The following EYS variants were observed in gnomAD, a reference collection of about 807,000 sequenced individuals.
EYS encodes the protein EGF-like photoreceptor maintenance factor.
EYS carries 250 observed loss-of-function variants against 282.1 expected under a neutral mutation model. The observed-to-expected ratio is 0.89, with a 90% confidence interval of 0.80 to 0.98. The LOEUF is 0.98. EYS is among the 50% of genes least tolerant of loss of function. EYS has a pLI of 0.00. For synonymous variants in EYS, 1,355 were observed against 1,282.9 expected (o/e 1.06, Z -1.20); for missense variants, 4,016 against 3,709.0 (o/e 1.08, Z -2.15).
intron 33 of EYS, among the ~76,000 whole-genome samples, chr6:64,018,696 AG>A (rs1183693124): frequency 6.8e-6 from 1 of 146,216 alleles, no homozygotes; most frequent in Non-Finnish European, 1.5e-5. Context: ...ATTAAGTTAA[AG>A]TTTTTTGAGA....
chr6:65,361,363 TAA>T (rs10707255), intron 8 of EYS, among the ~76,000 whole-genome samples: 12 of 151,666 alleles, frequency 7.9e-5, no homozygotes, highest in East Asian at 2.0e-4. Context: ...TAAAGTATAA[TAA>T]AAAAAAAGAA....
At chr6:65,617,124 G>C (rs973300) in intron 2 of EYS, among the ~76,000 whole-genome samples, 54,906 of 151,956 alleles carry the variant, frequency 0.36, 11,320 homozygotes, top group African/African-American at 0.58. Flanking sequence ...AATTTAATGT[G>C]CTTGTTTCTG....
intron 26 of EYS, among the ~76,000 whole-genome samples, chr6:64,540,475 A>ATTTT (rs397888030): frequency 4.8e-5 from 4 of 83,502 alleles, no homozygotes; most frequent in Non-Finnish European, 4.6e-5. Flanking sequence ...CCAAGTACAG[A>ATTTT]TTTTTTTTTT....
intron 12 of EYS, among the ~76,000 whole-genome samples, chr6:65,269,017 T>C (rs1488368663): frequency 6.6e-6 from 1 of 152,092 alleles, no homozygotes; most frequent in Non-Finnish European, 1.5e-5. Context: ...TGAAGGCAAA[T>C]ATTATCTCCA....
At chr6:64,919,512 C>A (rs1768272752) in intron 15 of EYS, among the ~76,000 whole-genome samples, 1 of 138,384 alleles carries the variant, frequency 7.2e-6, no homozygotes, top group Non-Finnish European at 1.5e-5. Flanking sequence ...AAAAGGATTT[C>A]TTCTATTTAG....
intron 36 of EYS, among the ~76,000 whole-genome samples, chr6:63,825,478 C>G (rs1026528371): frequency 2.0e-5 from 3 of 152,232 alleles, no homozygotes; most frequent in African/African-American, 7.2e-5. Context: ...GCTAAGGACC[C>G]TCACAGAGTC....
chr6:64,615,715 T>C (rs1767252484), intron 24 of EYS, among the ~76,000 whole-genome samples: 1 of 152,134 alleles, frequency 6.6e-6, no homozygotes, highest in Non-Finnish European at 1.5e-5. Context: ...CCTTATCTCA[T>C]TGTAGCATTT....
chr6:64,320,555 G>C (rs980876001), intron 29 of EYS, among the ~76,000 whole-genome samples: 1 of 151,300 alleles, frequency 6.6e-6, no homozygotes, highest in Non-Finnish European at 1.5e-5. Context: ...TTCTATACTA[G>C]ATTCTTATTT....
At chr6:64,377,560 C>T (rs898135593) in intron 29 of EYS, among the ~76,000 whole-genome samples, 3 of 151,984 alleles carry the variant, frequency 2.0e-5, no homozygotes, top group African/African-American at 7.2e-5. Flanking sequence ...TTACTTACTG[C>T]AAAGAGTTAC....
chr6:64,961,005 C>T (rs1242187595), intron 14 of EYS, among the ~76,000 whole-genome samples: 1 of 152,178 alleles, frequency 6.6e-6, no homozygotes, highest in Non-Finnish European at 1.5e-5. Context: ...ATTATGACTG[C>T]ATAAACCATA....
intron 30 of EYS, among the ~76,000 whole-genome samples, chr6:64,289,107 A>G (rs540303273): frequency 6.6e-6 from 1 of 152,102 alleles, no homozygotes; most frequent in South Asian, 2.1e-4. Flanking sequence ...CGCCTTCATT[A>G]TCTGTTCTGA....
intron 1 of EYS, among the ~76,000 whole-genome samples, chr6:65,657,101 A>G (rs1767856027): frequency 6.6e-6 from 1 of 151,782 alleles, no homozygotes; most frequent in African/African-American, 2.4e-5. Flanking sequence ...TGTTAAGCCC[A>G]CTCTTGAGAC....
chr6:64,451,120 T>C (rs1208668243), intron 26 of EYS, among the ~76,000 whole-genome samples: 1 of 151,252 alleles, frequency 6.6e-6, no homozygotes, highest in East Asian at 1.9e-4. Context: ...GCAAGACTAA[T>C]AAGGAAGAAA....
chr6:65,392,546 G>A (rs1470300941), intron 7 of EYS, among the ~76,000 whole-genome samples: 1 of 152,114 alleles, frequency 6.6e-6, no homozygotes, highest in Non-Finnish European at 1.5e-5. Context: ...GAAGACATTT[G>A]TGCAGGCAAA....
intron 28 of EYS, among the ~76,000 whole-genome samples, chr6:64,395,974 T>C (rs1351437262): frequency 6.6e-6 from 1 of 151,938 alleles, no homozygotes; most frequent in Non-Finnish European, 1.5e-5. Context: ...AAATATTATA[T>C]TGTGAACATA....
At chr6:65,075,227 G>A (rs1774013789) in intron 12 of EYS, among the ~76,000 whole-genome samples, 1 of 151,770 alleles carries the variant, frequency 6.6e-6, no homozygotes, top group Non-Finnish European at 1.5e-5. Context: ...TGAAAACCAA[G>A]GGTGTAATAA....
At chr6:64,935,312 A>G (rs1287413458) in intron 15 of EYS, among the ~76,000 whole-genome samples, 3 of 151,768 alleles carry the variant, frequency 2.0e-5, no homozygotes, top group Non-Finnish European at 4.4e-5. Flanking sequence ...TAATTACAGT[A>G]AGTGCAAATT....
intron 2 of EYS, among the ~76,000 whole-genome samples, chr6:65,542,374 C>G (rs1223614690): frequency 6.6e-6 from 1 of 151,940 alleles, no homozygotes; most frequent in East Asian, 1.9e-4. Flanking sequence ...TGTATAACCA[C>G]CAGTCTATCG....
At chr6:64,902,663 G>A (rs894493389) in intron 16 of EYS, among the ~76,000 whole-genome samples, 163 bp from the exon 17 acceptor site, 12 of 152,078 alleles carry the variant, frequency 7.9e-5, no homozygotes, top group Non-Finnish European at 1.5e-4. Flanking sequence ...CACATAATGT[G>A]TGCATAAAAA....
Sources: allele counts gnomAD v4.1 joint callset (sites outside exome capture counted in the v4.1 genomes callset), GRCh38; gene constraint gnomAD v4.1.1; transcripts MANE v1.5; gene names NCBI Gene and HGNC (gene_info 2026-07-23, HGNC 2026-07-21).